The following VAT1L variants were observed in gnomAD, a reference collection of about 807,000 sequenced individuals.
VAT1L encodes vesicle amine transport 1 like, also known as putative NADPH-dependent quinone oxidoreductase VAT1L.
VAT1L carries 34 observed loss-of-function variants against 44.1 expected under a neutral mutation model. That is an observed-to-expected ratio of 0.77 (90% confidence interval 0.59 to 1.03). The LOEUF (loss-of-function observed/expected upper bound fraction) is 1.03, where lower values mean the gene tolerates loss of function less well. VAT1L is among the 50% of genes least tolerant of loss of function. The pLI is 0.00. For synonymous variants in VAT1L, 253 were observed against 202.2 expected (o/e 1.25, Z -2.13); for missense variants, 615 against 538.8 (o/e 1.14, Z -1.40).
intron 7 of VAT1L, among the ~76,000 whole-genome samples, chr16:77,923,281 T>C (rs2017631973): frequency 6.6e-6 from 1 of 152,152 alleles, no homozygotes; most frequent in African/African-American, 2.4e-5. Flanking sequence ...AAACCCCGTA[T>C]CTACCAAAAA....
chr16:77,962,522 G>C (rs931217196), intron 7 of VAT1L, among the ~76,000 whole-genome samples: 1 of 152,066 alleles, frequency 6.6e-6, no homozygotes, highest in East Asian at 1.9e-4. Context: ...ACAGAACCCA[G>C]TTGGAGTCCC....
chr16:77,965,653 A>G, intron 7 of VAT1L, among the ~76,000 whole-genome samples: 1 of 152,092 alleles, frequency 6.6e-6, no homozygotes, highest in Non-Finnish European at 1.5e-5. Flanking sequence ...TGGGTGTGGG[A>G]CCATGGTCCT....
At chr16:77,880,402 C>T (rs938971037) in intron 6 of VAT1L, among the ~76,000 whole-genome samples, 2 of 152,064 alleles carry the variant, frequency 1.3e-5, no homozygotes, top group South Asian at 4.2e-4. Context: ...TCAAGCAATC[C>T]GCTTGCCTCA....
At chr16:77,926,123 G>C (rs1020073598) in intron 7 of VAT1L, among the ~76,000 whole-genome samples, 1 of 151,680 alleles carries the variant, frequency 6.6e-6, no homozygotes, top group Non-Finnish European at 1.5e-5. Context: ...CATGGTGGCG[G>C]GCGCCTGTAG....
At chr16:77,903,575 A>G (rs2017407268) in intron 7 of VAT1L, among the ~76,000 whole-genome samples, 1 of 152,180 alleles carries the variant, frequency 6.6e-6, no homozygotes, top group Non-Finnish European at 1.5e-5. Context: ...AGGCCCAAAT[A>G]TCTTACAGAG....
chr16:77,851,794 T>C (rs2016811099), intron 3 of VAT1L, among the ~76,000 whole-genome samples: 1 of 152,046 alleles, frequency 6.6e-6, no homozygotes, highest in Non-Finnish European at 1.5e-5. Context: ...CTTTCCAGAG[T>C]CACACAGCCT....
chr16:77,908,464 CAAAAAAAAAA>C (rs11418351), intron 7 of VAT1L, among the ~76,000 whole-genome samples: 4 of 39,368 alleles, frequency 1.0e-4, no homozygotes, highest in East Asian at 2.0e-3. Context: ...GGTTCTGTCT[CAAAAAAAAAA>C]AAAAAAAAAA....
At position 77,944,594 on chromosome 16, in the gene VAT1L, G is replaced by A. The variant is rs375716220; in HGVS notation, c.1078-27256G>A. Among the ~76,000 whole-genome samples, 70 of 152,266 alleles carry A rather than the reference G, an allele frequency of 4.6e-4. 1 individual carries two copies. In the South Asian group the frequency reaches 0.014, roughly 30 times the overall value. On this transcript the variant is annotated intron_variant, in intron 7 of 8. Transcript: ENST00000302536. ...TGCACCTGTCTTGTATAAAATTGTT[G>A]TGAAGATTAAAGGAGATAATGCCTG...
chr16:77,901,153 CTTT>C (rs538577571), intron 7 of VAT1L, among the ~76,000 whole-genome samples: 20 of 90,044 alleles, frequency 2.2e-4, no homozygotes, highest in African/African-American at 2.9e-4. Flanking sequence ...AGTAGTTTAC[CTTT>C]TTTTTTTTTT....
intron 7 of VAT1L, among the ~76,000 whole-genome samples, chr16:77,966,050 G>A (rs745411587): frequency 3.3e-5 from 5 of 152,188 alleles, no homozygotes; most frequent in East Asian, 1.9e-4. Flanking sequence ...CCAAAAAAGC[G>A]TAAATTATTA....
At chr16:77,846,876 T>C (rs1002701650) in intron 3 of VAT1L, among the ~76,000 whole-genome samples, 6 of 151,900 alleles carry the variant, frequency 3.9e-5, no homozygotes, top group African/African-American at 1.5e-4. Flanking sequence ...ATTCTGTGGA[T>C]AAAAAAAATT....
intron 7 of VAT1L, among the ~76,000 whole-genome samples, chr16:77,930,999 T>A (rs1168614328): frequency 6.6e-6 from 1 of 152,222 alleles, no homozygotes; most frequent in East Asian, 1.9e-4. Flanking sequence ...TAAAGGTGGA[T>A]AATGGTACCC....
chr16:77,915,189 A>G (rs2142488795), intron 7 of VAT1L, among the ~76,000 whole-genome samples: 1 of 152,324 alleles, frequency 6.6e-6, no homozygotes, highest in Admixed American at 6.5e-5. Context: ...TTGAATCGTA[A>G]CCATAGATTG....
intron 7 of VAT1L, among the ~76,000 whole-genome samples, chr16:77,922,103 C>A (rs1415241815): frequency 6.6e-6 from 1 of 152,004 alleles, no homozygotes; most frequent in Non-Finnish European, 1.5e-5. Context: ...AGACAAGTTA[C>A]TTTCTGGAAA....
intron 3 of VAT1L, among the ~76,000 whole-genome samples, chr16:77,861,150 A>C (rs910791008): frequency 2.0e-5 from 3 of 152,194 alleles, no homozygotes; most frequent in Non-Finnish European, 4.4e-5. Flanking sequence ...CCATAAATTG[A>C]CCTGCCAACC....
chr16:77,921,840 C>A (rs2017614977), intron 7 of VAT1L, among the ~76,000 whole-genome samples: 1 of 151,620 alleles, frequency 6.6e-6, no homozygotes, highest in African/African-American at 2.4e-5. Flanking sequence ...ACCTCCCAGG[C>A]TCAAGCAATC....
intron 7 of VAT1L, among the ~76,000 whole-genome samples, chr16:77,966,829 C>T (rs761558254): frequency 9.9e-5 from 15 of 150,952 alleles, no homozygotes; most frequent in African/African-American, 2.4e-4. Context: ...ATTTCAAAGG[C>T]GCACTTGCCA....
chr16:77,975,947 G>A (rs1296743442), intron 8 of VAT1L, among the ~76,000 whole-genome samples: 1 of 152,174 alleles, frequency 6.6e-6, no homozygotes, highest in African/African-American at 2.4e-5. Flanking sequence ...CCTTTCCACT[G>A]CTGTAGAACA....
intron 1 of VAT1L, among the ~76,000 whole-genome samples, chr16:77,790,418 C>T (rs993949658): frequency 3.9e-5 from 6 of 152,186 alleles, no homozygotes; most frequent in Admixed American, 2.6e-4. Flanking sequence ...TCCCCCACCC[C>T]ACACTGTTTG....
Sources: gnomAD v4.1 joint callset for allele counts (sites outside exome capture counted in the v4.1 genomes callset) on GRCh38, gnomAD v4.1.1 for gene constraint, MANE v1.5 for transcripts, NCBI Gene and HGNC (gene_info 2026-07-23, HGNC 2026-07-21) for gene names.